Variants in ZNF577 observed in about 807,000 individuals in gnomAD.
The protein encoded by ZNF577 is zinc finger protein 577.
A neutral mutation model predicts 13.9 loss-of-function variants in ZNF577; 14 were observed. The observed-to-expected ratio is 1.00, with a 90% CI of 0.66 to 1.57. ZNF577 has a LOEUF of 1.57. ZNF577 is among the 40% of genes most tolerant of loss of function. The pLI is 0.00. For synonymous variants in ZNF577, 203 were observed against 202.9 expected, an observed-to-expected ratio of 1.00 and a Z score of 0.00; for missense variants, 555 against 579.2, an observed-to-expected ratio of 0.96 and a Z score of 0.43.
intron 9 of ZNF577, among the ~76,000 whole-genome samples, chr19:51,834,710 G>A (rs1290672512): frequency 6.6e-6 from 1 of 151,990 alleles, no homozygotes; most frequent in Non-Finnish European, 1.5e-5. Context: ...TTAAGACAGG[G>A]TCTTGCTCTG....
intron 7 of ZNF577, chr19:51,843,119 C>T (rs80203330): frequency 0.076 from 11,619 of 152,148 alleles, 669 homozygotes; most frequent in South Asian, 0.23. Context: ...AGAGTACCCA[C>T]AAATTGTGGC....
intron 9 of ZNF577, among the ~76,000 whole-genome samples, chr19:51,829,971 G>T (rs186832054): frequency 6.6e-6 from 1 of 152,250 alleles, no homozygotes; most frequent in East Asian, 1.9e-4. Flanking sequence ...GTAACAATTT[G>T]TAAAGTCAAA....
At chr19:51,880,187 C>A in intron 3 of ZNF577, 136 bp downstream of exon 3, 1 of 923,582 alleles carries the variant, frequency 1.1e-6, no homozygotes, top group South Asian at 1.5e-5. Flanking sequence ...TTAGCTTACC[C>A]CACTAAACAA....
chr19:51,886,834 A>C lies in ZNF577; in HGVS notation c.-232T>G, dbSNP rs968983538. The C allele has an allele frequency of 1.3e-5, 2 of 152,222 alleles. No homozygotes were observed. Among genetic ancestry groups the C allele is most frequent in the South Asian group, 4.1e-4 (2 of 4,830 alleles). 9.4% of individuals were successfully genotyped at this position (152,222 alleles called of 1,614,324 possible). On this transcript the variant is annotated 5_prime_UTR_variant, in exon 1 of 6. Transcript: ENST00000638348. ...AGATTAACGTACCCAAGTCAGAGGCAGAGGCAGGTACTTCTTACTCCACAG... is the reference window on the plus strand; with the variant it reads ...AGATTAACGTACCCAAGTCAGAGGCCGAGGCAGGTACTTCTTACTCCACAG...
At position 51,824,774 on chromosome 19, in the gene ZNF577, T is replaced by G; in HGVS notation, c.*600-13100A>C. The G allele has an allele frequency of 1.2e-6, 2 of 1,613,732 alleles. No homozygotes were observed. The highest frequency in any genetic ancestry group is 1.7e-6 in the Non-Finnish European group (2 of 1,179,836). On this transcript the variant is annotated intron_variant and NMD_transcript_variant, in intron 9 of 10. Transcript: ENST00000638827. This position sits in a 1 kb window ranked among gnomAD's most constrained non-coding sequence, Gnocchi z 4.7. ...CCAGCAACACAGACACCACTTCTGCTTCACCTCCTGAGGAGACGGAGTTAC... is the reference window on the plus strand; with the variant it reads ...CCAGCAACACAGACACCACTTCTGCGTCACCTCCTGAGGAGACGGAGTTAC...
At chr19:51,839,874 A>G (rs1276451298) in intron 9 of ZNF577, 1 of 152,262 alleles carries the variant, frequency 6.6e-6, no homozygotes, top group East Asian at 1.9e-4. Context: ...AAGGACCCCA[A>G]CAGCGCTGGG....
At chr19:51,829,335 T>A (rs1211174182) in intron 9 of ZNF577, among the ~76,000 whole-genome samples, 1 of 152,078 alleles carries the variant, frequency 6.6e-6, no homozygotes, top group Non-Finnish European at 1.5e-5. Flanking sequence ...AGTCAACACG[T>A]CTTGTGGGTA....
In ZNF577 at chr19:51,869,930, G is replaced by A. The variant is rs189737122; in HGVS notation, c.*2602C>T. Reference sequence around the variant, plus strand: ...AGCCTCAGTTCCCAGAGAAGGCAAAGAGGGGCTAAACACCGGGTAGACTAC... The same window carrying A: ...AGCCTCAGTTCCCAGAGAAGGCAAAAAGGGGCTAAACACCGGGTAGACTAC... On this transcript the variant is annotated 3_prime_UTR_variant, in exon 6 of 6. Transcript: ENST00000638348. Among the ~76,000 whole-genome samples the A allele has an allele frequency of 5.3e-5, 8 of 152,310 alleles. No homozygotes were observed. Among genetic ancestry groups the A allele is most frequent in the African/African-American group, 1.9e-4 (8 of 41,566 alleles).
At chr19:51,862,718 G>C (rs1599861060), downstream of ZNF577, 1 of 152,192 alleles carries the variant, frequency 6.6e-6, no homozygotes, top group Admixed American at 6.5e-5. Flanking sequence ...AAAGCTGTTT[G>C]ACATTGAATG....
intron 5 of ZNF577, among the ~76,000 whole-genome samples, chr19:51,855,375 G>C (rs1446746185): frequency 6.5e-5 from 6 of 92,072 alleles, no homozygotes; most frequent in Non-Finnish European, 1.3e-4. Flanking sequence ...TGCTGTGTGT[G>C]TGTGTGTGTG....
chr19:51,882,299 C>T (rs980776460), intron 1 of ZNF577, among the ~76,000 whole-genome samples: 2 of 151,884 alleles, frequency 1.3e-5, no homozygotes, highest in African/African-American at 4.8e-5. Context: ...AATACTCACG[C>T]GGAGAACATG....
chr19:51,830,431 G>T (rs1021713982), intron 9 of ZNF577, among the ~76,000 whole-genome samples: 6 of 152,194 alleles, frequency 3.9e-5, no homozygotes, highest in Admixed American at 1.3e-4. Flanking sequence ...ATTTTCTCCA[G>T]AACTCATTCT....
At position 51,886,984 on chromosome 19, in the gene ZNF577, T is replaced by C. The variant is rs1423080071; in HGVS notation, c.-382A>G. 1 of 152,132 alleles carries C rather than the reference T, an allele frequency of 6.6e-6. No homozygotes were observed. Among genetic ancestry groups the C allele is most frequent in the Non-Finnish European group, 1.5e-5 (1 of 68,024 alleles). 9.4% of individuals were successfully genotyped at this position (152,132 alleles called of 1,614,324 possible). ...ACAATGAAGTGACAGAATAAACATA[T>C]ATATTTTTAACTTCTGTTCTTGTCA... On this transcript the variant is annotated 5_prime_UTR_variant, in exon 1 of 6. The change creates a new upstream start codon in the 5' untranslated region. Coordinates refer to ENST00000638348, the MANE Select transcript of ZNF577 (RefSeq NM_001370449.1).
chr19:51,860,575 G>A (rs1232992845), intron 5 of ZNF577: 1 of 153,888 alleles, frequency 6.5e-6, no homozygotes, highest in Non-Finnish European at 1.4e-5. Flanking sequence ...GGGTTTTGTG[G>A]CCAATGGCCA....
intron 1 of ZNF577, among the ~76,000 whole-genome samples, chr19:51,884,644 T>TA (rs979227750): frequency 0.026 from 3,812 of 144,546 alleles, 153 homozygotes; most frequent in African/African-American, 0.09. Context: ...ATCAATAGAA[T>TA]AAAAAAAAAA....
At chr19:51,877,636 G>A in intron 4 of ZNF577, 1 of 319,694 alleles carries the variant, frequency 3.1e-6, no homozygotes, top group Non-Finnish European at 5.8e-6. Context: ...GCAAAGATGT[G>A]GAGAAACTGG....
rs1255213944 is a variant in ZNF577 at position 51,873,485 on chromosome 19, T to C, written c.505A>G (p.Arg169Gly). Reference protein sequence around the residue: ...ECSVCGRAFSRKAQLIQHQRT... With the variant: ...ECSVCGRAFSGKAQLIQHQRT... ...TGATGTTGAATAAGCTGTGCTTTCC[T>C]GGAGAAGGCTCTCCCGCACACACTG... Residue 169 changes from arginine (R) to glycine (G), a missense_variant, in exon 6 of 6, where the codon AGG becomes GGG. Coordinates refer to ENST00000638348, the MANE Select transcript of ZNF577 (RefSeq NM_001370449.1). 6.2e-7 allele frequency: 1 copy of C among 1,614,200 alleles called. No individual in the cohort carries two copies. Among genetic ancestry groups the C allele is most frequent in the Admixed American group, 1.7e-5 (1 of 60,030 alleles).
chr19:51,884,370 A>G (rs775256202), intron 1 of ZNF577, among the ~76,000 whole-genome samples: 1 of 152,240 alleles, frequency 6.6e-6, no homozygotes, highest in Non-Finnish European at 1.5e-5. Flanking sequence ...TTGCTATGAA[A>G]GTCTCCAGAC....
rs1335655182 is a variant in ZNF577 at position 51,855,369 on chromosome 19, G to GTGTGTGTGTGTA, written c.284-10439_284-10438insTACACACACACA. ...TTTTCCACTCTTTGCTGAGGGTGCTGTGTGTGTGTGTGTGTGTGTGTGTGT... is the reference window on the plus strand; with the variant it reads ...TTTTCCACTCTTTGCTGAGGGTGCTGTGTGTGTGTGTATGTGTGTGTGTGTGTGTGTGTGTGT... On this transcript the variant is annotated intron_variant and NMD_transcript_variant, in intron 5 of 10. Coordinates refer to the ZNF577 transcript ENST00000638827. 6.9e-3 allele frequency among the ~76,000 whole-genome samples: 306 copies of GTGTGTGTGTGTA among 44,540 alleles called. 3 individuals carry two copies. Among genetic ancestry groups the GTGTGTGTGTGTA allele is most frequent in the African/African-American group, 0.025 (283 of 11,532 alleles). The allele number at this position is 44,540 out of a possible 152,430, so 29.2% of individuals were successfully genotyped here.
Sources: gnomAD v4.1 joint callset for allele counts (sites outside exome capture counted in the v4.1 genomes callset) on GRCh38, gnomAD v4.1.1 for gene constraint, Gnocchi (gnomAD v3.1) non-coding constraint, MANE v1.5 for transcripts, NCBI Gene and HGNC (gene_info 2026-07-23, HGNC 2026-07-21) for gene names.